Variants in CRIM1 observed in about 807,000 individuals in gnomAD.
The protein encoded by CRIM1 is cysteine rich transmembrane BMP regulator 1.
In CRIM1, 32 loss-of-function variants were observed where a neutral mutation model predicts 116.4. The observed-to-expected ratio is 0.27, with a 90% confidence interval of 0.21 to 0.37. CRIM1 has a LOEUF of 0.37. Among genes scored for constraint, CRIM1 ranks in the 10% least tolerant of loss-of-function variants. The probability of loss-of-function intolerance (pLI) is 1.00; values close to 1 mark genes in which losing one functional copy is unlikely to be tolerated. For missense variants in CRIM1, 1,331 were observed against 1,354.8 expected (o/e 0.98, Z 0.28); for synonymous variants, 590 against 509.2 (o/e 1.16, Z -2.13).
At position 36,550,107 on chromosome 2, in the gene CRIM1, C is replaced by G. The variant is rs1667658471; in HGVS notation, c.*1406C>G. Reference sequence around the variant, plus strand: ...CCTTGAGCAGTCAGCATTGCACCTGCTATGGAGAAGGGTATTCCTTTATTA... The same window carrying G: ...CCTTGAGCAGTCAGCATTGCACCTGGTATGGAGAAGGGTATTCCTTTATTA... On this transcript the variant is annotated 3_prime_UTR_variant, in exon 17 of 17. Coordinates refer to ENST00000280527, the MANE Select transcript of CRIM1 (RefSeq NM_016441.3). 1 of 152,394 alleles carries G rather than the reference C, an allele frequency of 6.6e-6. No homozygotes were observed. Among genetic ancestry groups the G allele is most frequent in the Non-Finnish European group, 1.5e-5 (1 of 67,996 alleles). 9.4% of individuals were successfully genotyped at this position (152,394 alleles called of 1,614,324 possible).
chr2:36,410,479 C>G (rs958526180), intron 2 of CRIM1, among the ~76,000 whole-genome samples: 1 of 152,024 alleles, frequency 6.6e-6, no homozygotes, highest in Non-Finnish European at 1.5e-5. Context: ...GTAAAATGAG[C>G]TACTATTGTA....
At chr2:36,404,589 A>G (rs1161897039) in intron 2 of CRIM1, among the ~76,000 whole-genome samples, 4 of 152,204 alleles carry the variant, frequency 2.6e-5, no homozygotes. Flanking sequence ...GTGCCACTAC[A>G]CCTCAGATTC....
At chr2:36,393,912 G>A (rs1318087657) in intron 1 of CRIM1, among the ~76,000 whole-genome samples, 1 of 152,226 alleles carries the variant, frequency 6.6e-6, no homozygotes, top group East Asian at 1.9e-4. Flanking sequence ...TCAGCAGTAA[G>A]AAGCTGGGAC....
chr2:36,492,343 G>C (rs1680286172), intron 7 of CRIM1, among the ~76,000 whole-genome samples: 1 of 152,192 alleles, frequency 6.6e-6, no homozygotes, highest in Non-Finnish European at 1.5e-5. Context: ...CAAATGTGTA[G>C]CGGCTAAAAG....
intron 2 of CRIM1, among the ~76,000 whole-genome samples, chr2:36,417,382 C>G (rs1384729970): frequency 6.6e-6 from 1 of 152,158 alleles, no homozygotes; most frequent in Admixed American, 6.5e-5. Context: ...CAATTTTTTA[C>G]TCACCTGTTT....
chr2:36,432,807 C>T (rs891873878), intron 2 of CRIM1, among the ~76,000 whole-genome samples: 2 of 151,974 alleles, frequency 1.3e-5, no homozygotes, highest in African/African-American at 4.8e-5. Context: ...AAATATATAC[C>T]GATACCAGGG....
In CRIM1 at chr2:36,537,437, C is replaced by T. The variant is rs887302976; in HGVS notation, c.2514C>T (p.Thr838=). 6.2e-7 allele frequency: 1 copy of T among 1,614,098 alleles called. No homozygotes were observed. Among genetic ancestry groups the T allele is most frequent in the Non-Finnish European group, 8.5e-7 (1 of 1,180,046 alleles). ...AGCGGTGGGACCTTGACAGCTGCAC[C>T]CACTGCTACTGCCTGCAGGGCCAGA... is the stretch of plus-strand genomic sequence containing the variant. ...DEERWDLDSC[T]HCYCLQGQTL... The change falls in exon 14 of 17, where the codon ACC becomes ACT. Residue 838 remains threonine, a synonymous_variant. Transcript: ENST00000280527.
intron 13 of CRIM1, chr2:36,529,372 A>G (rs1292678568): frequency 4.3e-6 from 1 of 232,520 alleles, no homozygotes; most frequent in Non-Finnish European, 9.1e-6. Context: ...ACAAGATGGT[A>G]TACCCCGACT....
At chr2:36,545,174 T>C (rs960851347) in intron 15 of CRIM1, among the ~76,000 whole-genome samples, 12 of 152,222 alleles carry the variant, frequency 7.9e-5, no homozygotes, top group Non-Finnish European at 5.9e-5. Context: ...TTCCAAATCA[T>C]TGCTATATAA....
In CRIM1 at chr2:36,489,885, C is replaced by T. The variant is rs1489654752; in HGVS notation, c.1373-9334C>T. 7.9e-5 allele frequency among the ~76,000 whole-genome samples: 12 copies of T among 152,268 alleles called. No homozygotes were observed. In the East Asian group the frequency reaches 2.3e-3, roughly 29 times the overall value. On this transcript the variant is annotated intron_variant, in intron 7 of 16. Coordinates refer to ENST00000280527, the MANE Select transcript of CRIM1 (RefSeq NM_016441.3). ...AGCTGATTACTAAGAGATTTCTGTTCTCTTGGAGACATCATAGACATAGTC... is the reference window on the plus strand; with the variant it reads ...AGCTGATTACTAAGAGATTTCTGTTTTCTTGGAGACATCATAGACATAGTC...
At chr2:36,417,788 T>C (rs1226793361) in intron 2 of CRIM1, among the ~76,000 whole-genome samples, 3 of 152,162 alleles carry the variant, frequency 2.0e-5, no homozygotes, top group East Asian at 1.9e-4. Context: ...CTCACTAGAA[T>C]AGAAAGTAGA....
intron 7 of CRIM1, among the ~76,000 whole-genome samples, chr2:36,496,016 A>G (rs150962693): frequency 6.6e-6 from 1 of 152,312 alleles, no homozygotes; most frequent in Non-Finnish European, 1.5e-5. Context: ...GCAGTACACT[A>G]TAATGGATGA....
intron 1 of CRIM1, among the ~76,000 whole-genome samples, chr2:36,381,148 G>A (rs1264989338): frequency 6.6e-6 from 1 of 152,180 alleles, no homozygotes; most frequent in East Asian, 1.9e-4. Context: ...AGCCCTCCCA[G>A]TGGTGGTGTG....
intron 4 of CRIM1, among the ~76,000 whole-genome samples, chr2:36,450,729 C>G (rs958542808): frequency 8.5e-5 from 13 of 152,246 alleles, no homozygotes; most frequent in Admixed American, 7.2e-4. Flanking sequence ...AATATACAGC[C>G]CATGACCAGA....
chr2:36,499,927 C>T (rs1054459798), intron 8 of CRIM1, among the ~76,000 whole-genome samples: 1 of 152,160 alleles, frequency 6.6e-6, no homozygotes, highest in Non-Finnish European at 1.5e-5. Flanking sequence ...TCCTCATTCT[C>T]CTTGACCATT....
intron 2 of CRIM1, among the ~76,000 whole-genome samples, chr2:36,427,980 C>G (rs1010101659): frequency 6.6e-5 from 10 of 152,214 alleles, no homozygotes; most frequent in Non-Finnish European, 1.5e-4. Flanking sequence ...CTTAGCCACT[C>G]CACTAATAAA....
intron 5 of CRIM1, among the ~76,000 whole-genome samples, chr2:36,475,253 C>G (rs1678877898): frequency 6.6e-6 from 1 of 152,114 alleles, no homozygotes; most frequent in Admixed American, 6.5e-5. Context: ...TTACTTAGGC[C>G]TTTTTAGTTT....
At position 36,356,282 on chromosome 2, in the gene CRIM1, G is replaced by A. The variant is rs764281783; in HGVS notation, c.-11G>A. The A allele has an allele frequency of 2.9e-6, 4 of 1,398,318 alleles. No homozygotes were observed. The highest frequency in any genetic ancestry group is 3.8e-6 in the Non-Finnish European group (4 of 1,066,504). The allele number at this position is 1,398,318 out of a possible 1,614,324, so 86.6% of individuals were successfully genotyped here. A position where few individuals can be genotyped will look rare whatever the true frequency, so the allele number is the denominator to read the frequency against. On this transcript the variant is annotated 5_prime_UTR_variant, in exon 1 of 17. Transcript: ENST00000280527. This position sits in a 1 kb window ranked among gnomAD's most constrained non-coding sequence, Gnocchi z 4.3. ...CCGGCTGCGAGGAGGAGGCGGCGGC[G>A]GCGCAGGAGGATGTACTTGGTGGCG...
At chr2:36,408,212 G>T (rs1389954592) in intron 2 of CRIM1, among the ~76,000 whole-genome samples, 4 of 152,198 alleles carry the variant, frequency 2.6e-5, no homozygotes, top group Admixed American at 2.6e-4. Context: ...CTTGAGGGCC[G>T]TGCCTAAAAC....
Sources: gnomAD v4.1 joint callset for allele counts (sites outside exome capture counted in the v4.1 genomes callset) on GRCh38, gnomAD v4.1.1 for gene constraint, Gnocchi (gnomAD v3.1) non-coding constraint, MANE v1.5 for transcripts, NCBI Gene and HGNC (gene_info 2026-07-23, HGNC 2026-07-21) for gene names.